Variants in PRKG1 observed in about 807,000 individuals in gnomAD.
PRKG1 encodes protein kinase cGMP-dependent 1, also known as cGMP-dependent protein kinase 1.
A neutral mutation model predicts 88.1 loss-of-function variants in PRKG1; 35 were observed. That is an observed-to-expected ratio of 0.40 (90% CI 0.30 to 0.53). PRKG1 has a LOEUF of 0.53. Ranked by LOEUF, PRKG1 falls within the 20% of genes least tolerant of loss-of-function variation. The probability of loss-of-function intolerance (pLI) is 0.59; values close to 1 mark genes in which losing one functional copy is unlikely to be tolerated. For missense variants in PRKG1, 540 were observed against 839.8 expected (o/e 0.64, Z 4.41); for synonymous variants, 303 against 292.5 (o/e 1.04, Z -0.37).
intron 8 of PRKG1, among the ~76,000 whole-genome samples, chr10:52,140,037 T>G (rs1204238918): frequency 1.3e-5 from 2 of 152,192 alleles, no homozygotes. Flanking sequence ...GACATTTGAA[T>G]TTATATCATT....
At position 51,716,529 on chromosome 10, in the gene PRKG1, T is replaced by A. The variant is rs534704024; in HGVS notation, c.593-88056T>A. 1.1e-4 allele frequency among the ~76,000 whole-genome samples: 16 copies of A among 152,312 alleles called. No homozygotes were observed. The East Asian group carries it at 2.9e-3, about 28-fold the overall frequency. ...GAAATAAGTTCCCTGATCACTTACC[T>A]TAATAACCCAGCACTCCCAGAGTGA... On this transcript the variant is annotated intron_variant, in intron 3 of 17. Coordinates refer to ENST00000373980, the MANE Select transcript of PRKG1 (RefSeq NM_006258.4).
intron 10 of PRKG1, among the ~76,000 whole-genome samples, chr10:52,265,881 T>G (rs1042106930): frequency 2.0e-5 from 3 of 152,220 alleles, no homozygotes; most frequent in South Asian, 2.1e-4. Context: ...GAAGTAACAA[T>G]GTACTGTAAA....
intron 6 of PRKG1, among the ~76,000 whole-genome samples, chr10:52,060,576 C>T (rs1846213516): frequency 6.6e-6 from 1 of 151,692 alleles, no homozygotes; most frequent in Non-Finnish European, 1.5e-5. Flanking sequence ...ATGATAAAAT[C>T]TCCCACATCT....
At chr10:51,023,216 A>G (rs920056885) in intron 1 of PRKG1, among the ~76,000 whole-genome samples, 9 of 152,134 alleles carry the variant, frequency 5.9e-5, no homozygotes, top group African/African-American at 2.2e-4. Flanking sequence ...TAGGGGGCAA[A>G]ATTATATAAT....
intron 3 of PRKG1, among the ~76,000 whole-genome samples, chr10:51,537,629 G>A (rs1308817739): frequency 6.6e-6 from 1 of 151,294 alleles, no homozygotes; most frequent in Non-Finnish European, 1.5e-5. Context: ...TCTGGAGGCT[G>A]AGGCAGGAGA....
chr10:51,374,369 C>T (rs1428850116), intron 2 of PRKG1, among the ~76,000 whole-genome samples: 28 of 150,856 alleles, frequency 1.9e-4, no homozygotes, highest in Non-Finnish European at 2.7e-4. Flanking sequence ...TGTTGGTTTG[C>T]TGAGAATGAT....
intron 3 of PRKG1, among the ~76,000 whole-genome samples, chr10:51,792,326 C>CT (rs993256187): frequency 1.3e-5 from 2 of 151,974 alleles, no homozygotes; most frequent in East Asian, 3.9e-4. Context: ...AAAAAAATTC[C>CT]TTTTTTTCCC....
intron 1 of PRKG1, among the ~76,000 whole-genome samples, chr10:51,137,570 C>G (rs1013378539): frequency 1.2e-4 from 18 of 152,100 alleles, no homozygotes; most frequent in Non-Finnish European, 2.1e-4. Context: ...AGAAACCTCA[C>G]TGATACCAGT....
At chr10:51,087,026 T>C (rs1184624783) in intron 1 of PRKG1, among the ~76,000 whole-genome samples, 1 of 152,224 alleles carries the variant, frequency 6.6e-6, no homozygotes, top group Non-Finnish European at 1.5e-5. Context: ...TAGTGAGTTT[T>C]TAAATCGTCT....
Position 51,087,287 on chromosome 10 carries a change from T to TTGATGA in PRKG1, c.311+12412_311+12417dup, listed in dbSNP as rs60114266. Among the ~76,000 whole-genome samples, 561 of 151,588 alleles carry TTGATGA rather than the reference T, an allele frequency of 3.7e-3. 3 individuals carry two copies. The highest frequency in any genetic ancestry group is 0.011 in the African/African-American group (459 of 41,232). On this transcript the variant is annotated intron_variant, in intron 1 of 17. Transcript: ENST00000373980. ...TAGCCTTGTCTTTAATGGTCAATTA[T>TTGATGA]TGATGATGATGATGATGATGATGAT...
chr10:51,851,759 A>T (rs1164078412), intron 4 of PRKG1, among the ~76,000 whole-genome samples: 1 of 152,220 alleles, frequency 6.6e-6, no homozygotes, highest in African/African-American at 2.4e-5. Context: ...GATATGAAGG[A>T]ACTCAGTTGA....
At position 51,498,040 on chromosome 10, in the gene PRKG1, G is replaced by A. The variant is rs930807022; in HGVS notation, c.592+30204G>A. Reference sequence around the variant, plus strand: ...AGGTAAGCCTTTTTCTGAACCTCAAGGAGTGCTTTAAGCAGTGGGACGCTA... The same window carrying A: ...AGGTAAGCCTTTTTCTGAACCTCAAAGAGTGCTTTAAGCAGTGGGACGCTA... On this transcript the variant is annotated intron_variant, in intron 3 of 17. Transcript: ENST00000373980. Among the ~76,000 whole-genome samples the A allele has an allele frequency of 2.0e-5, 3 of 152,152 alleles. No individual in the cohort carries two copies. In the South Asian group the frequency reaches 6.2e-4, roughly 31 times the overall value.
chr10:51,460,858 T>G (rs1839726416), intron 2 of PRKG1, among the ~76,000 whole-genome samples: 1 of 152,158 alleles, frequency 6.6e-6, no homozygotes, highest in South Asian at 2.1e-4. Context: ...TTCAGATGAT[T>G]CTCTATATCT....
intron 5 of PRKG1, among the ~76,000 whole-genome samples, chr10:52,008,370 C>T (rs773860181): frequency 4.9e-4 from 74 of 151,860 alleles, no homozygotes; most frequent in East Asian, 1.5e-3. Flanking sequence ...ATAAGATAGA[C>T]GACTAGTTAG....
chr10:51,737,705 TTTTATTTA>T (rs1009213697), intron 3 of PRKG1, among the ~76,000 whole-genome samples: 97 of 144,890 alleles, frequency 6.7e-4, no homozygotes, highest in African/African-American at 2.0e-3. Context: ...GACTCTATAT[TTTTATTTA>T]TTTATTTATT....
chr10:52,055,113 G>A (rs566362752), intron 6 of PRKG1, among the ~76,000 whole-genome samples: 1 of 152,306 alleles, frequency 6.6e-6, no homozygotes, highest in East Asian at 1.9e-4. Context: ...TTCAGCCTGG[G>A]TAACAGAGCA....
At chr10:51,852,779 A>T (rs1238358165) in intron 4 of PRKG1, among the ~76,000 whole-genome samples, 3 of 152,124 alleles carry the variant, frequency 2.0e-5, no homozygotes, top group Non-Finnish European at 4.4e-5. Flanking sequence ...GGCACCACAA[A>T]ATTATGTATT....
chr10:51,229,691 G>T (rs76806181), intron 2 of PRKG1, among the ~76,000 whole-genome samples: 6,325 of 152,142 alleles, frequency 0.042, 440 homozygotes, highest in African/African-American at 0.14. Context: ...CAATTTAGGA[G>T]GCTGAGGCAG....
Position 52,144,405 on chromosome 10 carries a change from C to T in PRKG1, c.1001+10500C>T, listed in dbSNP as rs200087145. 4.6e-5 allele frequency among the ~76,000 whole-genome samples: 7 copies of T among 152,108 alleles called. No individual in the cohort carries two copies. The East Asian group carries it at 7.7e-4, about 17-fold the overall frequency. On this transcript the variant is annotated intron_variant, in intron 8 of 17. Coordinates refer to ENST00000373980, the MANE Select transcript of PRKG1 (RefSeq NM_006258.4). ...TGGAACTGTATTTTGTATCTGTTTT[C>T]GAAGGAAGAGAGTAGCAGATTAATT...
Sources: gnomAD v4.1 joint callset for allele counts (sites outside exome capture counted in the v4.1 genomes callset) on GRCh38, gnomAD v4.1.1 for gene constraint, MANE v1.5 for transcripts, NCBI Gene and HGNC (gene_info 2026-07-23, HGNC 2026-07-21) for gene names.